Variants in CPVL observed in about 807,000 individuals in gnomAD.
The protein encoded by CPVL is carboxypeptidase vitellogenic like, also known as probable serine carboxypeptidase CPVL.
CPVL carries 51 observed loss-of-function variants against 63.7 expected under a neutral mutation model. The observed-to-expected ratio is 0.80, with a 90% CI of 0.64 to 1.01. The LOEUF (loss-of-function observed/expected upper bound fraction) is 1.01, where lower values mean the gene tolerates loss of function less well. Ranked by LOEUF, CPVL falls within the 50% of genes least tolerant of loss-of-function variation. The pLI, the probability that CPVL is intolerant of heterozygous loss-of-function variation, is 0.00. For missense variants in CPVL, 530 were observed against 573.1 expected, an observed-to-expected ratio of 0.92 and a Z score of 0.77; for synonymous variants, 195 against 206.0, an observed-to-expected ratio of 0.95 and a Z score of 0.46.
chr7:29,060,972 G>A (rs974534664), intron 11 of CPVL, among the ~76,000 whole-genome samples: 5 of 152,178 alleles, frequency 3.3e-5, no homozygotes, highest in South Asian at 4.1e-4. Context: ...TATCCCAAGC[G>A]CTTTGCCAGC....
intron 5 of CPVL, among the ~76,000 whole-genome samples, chr7:29,178,643 A>G (rs569129760): frequency 1.3e-5 from 2 of 152,296 alleles, no homozygotes; most frequent in East Asian, 3.9e-4. Context: ...TCTTAAGGGC[A>G]GGGACTTTGT....
intron 7 of CPVL, among the ~76,000 whole-genome samples, chr7:29,083,031 G>C (rs1433307412): frequency 6.6e-6 from 1 of 152,104 alleles, no homozygotes; most frequent in African/African-American, 2.4e-5. Context: ...AAAAGACAAG[G>C]AACAGGCAGA....
Position 29,034,604 on chromosome 7 carries a change from T to C in CPVL, c.1138-3845A>G, listed in dbSNP as rs1788337999. On this transcript the variant is annotated intron_variant, in intron 11 of 12. Coordinates refer to ENST00000265394, the MANE Select transcript of CPVL (RefSeq NM_031311.5). ...TCCTGACAGGCCCCAGTATGTGTTG[T>C]TCCCCCCATGTGTCCATGTGTTCTC... 3.3e-5 allele frequency among the ~76,000 whole-genome samples: 5 copies of C among 152,244 alleles called. No homozygotes were observed. In the South Asian group the frequency reaches 1.0e-3, roughly 32 times the overall value.
chr7:29,015,034 G>A (rs1786262198), intron 12 of CPVL, among the ~76,000 whole-genome samples: 1 of 152,194 alleles, frequency 6.6e-6, no homozygotes, highest in African/African-American at 2.4e-5. Context: ...AAGGACTAGA[G>A]TCATTCTTTC....
intron 1 of CPVL, chr7:29,193,698 G>C (rs1490537353): frequency 6.6e-6 from 1 of 152,190 alleles, no homozygotes; most frequent in Non-Finnish European, 1.5e-5. Context: ...CCTTGTGCTC[G>C]AGTCTCTTTC....
chr7:29,086,463 G>T, intron 7 of CPVL, 21 bp downstream of exon 7: 2 of 1,572,250 alleles, frequency 1.3e-6, no homozygotes, highest in East Asian at 4.5e-5. Context: ...AAGCACACAA[G>T]GAAACGTGAC....
chr7:29,187,341 G>A (rs940523868), intron 1 of CPVL, among the ~76,000 whole-genome samples: 1 of 150,064 alleles, frequency 6.7e-6, no homozygotes, highest in Non-Finnish European at 1.5e-5. Flanking sequence ...GTGTGTTTGT[G>A]TGTCTGTGTG....
intron 12 of CPVL, among the ~76,000 whole-genome samples, chr7:28,999,921 T>G (rs886198486): frequency 1.3e-5 from 2 of 152,202 alleles, no homozygotes; most frequent in African/African-American, 4.8e-5. Context: ...CCACTCACCA[T>G]TCACAAATCA....
rs147064301 is a variant in CPVL at position 29,059,665 on chromosome 7, G to A, written c.1137+4396C>T. Among the ~76,000 whole-genome samples the A allele has an allele frequency of 1.8e-4, 28 of 152,226 alleles. 1 individual carries two copies. Among genetic ancestry groups the A allele is most frequent in the African/African-American group, 4.3e-4 (18 of 41,536 alleles). On this transcript the variant is annotated intron_variant, in intron 11 of 12. Coordinates refer to ENST00000265394, the MANE Select transcript of CPVL (RefSeq NM_031311.5). ...CCTTTCTTGATAAAAACACTCAACA[G>A]TCTGGGTATACAAGAAAAGTCCCTC...
chr7:29,158,420 G>A (rs1794723416), intron 5 of CPVL, among the ~76,000 whole-genome samples: 1 of 152,190 alleles, frequency 6.6e-6, no homozygotes, highest in Non-Finnish European at 1.5e-5. Context: ...AAGAAAACTA[G>A]AGGAATGTGT....
intron 3 of CPVL, among the ~76,000 whole-genome samples, chr7:29,102,405 TTAAG>T (rs1787241513): frequency 2.0e-5 from 3 of 151,848 alleles, no homozygotes; most frequent in African/African-American, 7.2e-5. Context: ...AGACACTAGA[TTAAG>T]TACTTAAAGA....
intron 6 of CPVL, 74 bp downstream of exon 6, chr7:29,092,549 C>G: frequency 9.6e-7 from 1 of 1,041,470 alleles, no homozygotes; most frequent in Non-Finnish European, 1.5e-6. Context: ...AATTCCAACA[C>G]TAGAATAATT....
At chr7:29,077,098 T>C (rs1379648113) in intron 7 of CPVL, among the ~76,000 whole-genome samples, 1 of 152,218 alleles carries the variant, frequency 6.6e-6, no homozygotes, top group Non-Finnish European at 1.5e-5. Context: ...TACTGTAACC[T>C]GCCATTTGGT....
In CPVL at chr7:29,086,509, T is replaced by C. The variant is rs368749456; in HGVS notation, c.584A>G (p.Asn195Ser). 6 of 1,612,092 alleles carry C rather than the reference T, an allele frequency of 3.7e-6. No homozygotes were observed. The African/African-American group carries it at 6.7e-5, about 18-fold the overall frequency. ...CTCCCCAGTGACATAAAAGTCATTA[T>C]TTTTATATTCAGGAAATATCTGGAA... ...QFFQIFPEYK[N>S]NDFYVTGESY... Residue 195 changes from asparagine (N) to serine (S), a missense_variant, in exon 7 of 13, where the codon AAT (asparagine) becomes AGT (serine). Transcript: ENST00000265394.
rs1455474676 is a variant in CPVL, at chr7:29,120,938, G to A, written c.124C>T (p.Pro42Ser). The change falls in exon 2 of 13, where the codon CCA (proline) becomes TCA (serine). Residue 42 changes from proline to serine, a missense_variant. Pro to Ser is a moderately conservative substitution (Grantham distance 74). Coordinates refer to ENST00000265394, the MANE Select transcript of CPVL (RefSeq NM_031311.5). ...SMPPKGDSGQPLFLTPYIEAG... is the reference protein window; with the variant it reads ...SMPPKGDSGQSLFLTPYIEAG... ...TCAATGTAAGGGGTGAGAAATAATG[G>A]CTGTCCTGAGTCTCCCTTAGGTGGC... 1.9e-6 allele frequency: 3 copies of A among 1,613,770 alleles called. No homozygotes were observed. The East Asian group carries it at 6.7e-5, about 36-fold the overall frequency.
intron 1 of CPVL, among the ~76,000 whole-genome samples, chr7:29,136,926 C>G (rs761977541): frequency 6.6e-6 from 1 of 152,154 alleles, no homozygotes; most frequent in Non-Finnish European, 1.5e-5. Context: ...AATCAATCAC[C>G]AACTGAATCT....
At chr7:29,190,149 C>T (rs1034531947) in intron 1 of CPVL, among the ~76,000 whole-genome samples, 4 of 152,206 alleles carry the variant, frequency 2.6e-5, no homozygotes, top group Admixed American at 6.5e-5. Flanking sequence ...GACTAGGTGT[C>T]TTTGTATTTG....
At chr7:29,116,385 G>A (rs919886915) in intron 2 of CPVL, among the ~76,000 whole-genome samples, 6 of 152,130 alleles carry the variant, frequency 3.9e-5, no homozygotes, top group African/African-American at 1.2e-4. Flanking sequence ...TTCTATTAAT[G>A]GAATGTGGAA....
intron 6 of CPVL, among the ~76,000 whole-genome samples, chr7:29,090,706 A>G (rs770894542): frequency 4.3e-4 from 66 of 152,366 alleles, no homozygotes; most frequent in Non-Finnish European, 8.2e-4. Context: ...ATTTGTTTTA[A>G]ACCAGAGAGG....
Sources: gnomAD v4.1 joint callset for allele counts (sites outside exome capture counted in the v4.1 genomes callset) on GRCh38, gnomAD v4.1.1 for gene constraint, MANE v1.5 for transcripts, NCBI Gene and HGNC (gene_info 2026-07-23, HGNC 2026-07-21) for gene names.